Variants in EYA4 observed in about 807,000 individuals in gnomAD.
EYA4 encodes the protein protein phosphatase EYA4.
EYA4 carries 31 observed loss-of-function variants against 87.9 expected under a neutral mutation model. That is an observed-to-expected ratio of 0.35 (90% CI 0.27 to 0.48). The LOEUF is 0.48. Ranked by LOEUF, EYA4 falls within the 20% of genes least tolerant of loss-of-function variation. The probability of loss-of-function intolerance (pLI) is 0.99; values close to 1 mark genes in which losing one functional copy is unlikely to be tolerated. For missense variants in EYA4, 678 were observed against 761.4 expected (o/e 0.89, Z 1.29); for synonymous variants, 263 against 270.6 (o/e 0.97, Z 0.28).
chr6:133,384,613 G>A (rs149003363), intron 3 of EYA4, among the ~76,000 whole-genome samples: 3 of 152,270 alleles, frequency 2.0e-5, no homozygotes, highest in South Asian at 2.1e-4. Context: ...TTGCCCAGAC[G>A]TTTTGATAAT....
At chr6:133,488,040 G>T (rs760417102) in intron 13 of EYA4, among the ~76,000 whole-genome samples, 1 of 152,110 alleles carries the variant, frequency 6.6e-6, no homozygotes. Context: ...GAAAGCATTC[G>T]CCACAAGCTG....
At chr6:133,254,972 C>A (rs1422891118) in intron 1 of EYA4, among the ~76,000 whole-genome samples, 26 of 152,156 alleles carry the variant, frequency 1.7e-4, no homozygotes. Flanking sequence ...TTGTGTGTAT[C>A]CAGGCTCTGC....
At chr6:133,515,622 A>T (rs111562309) in intron 17 of EYA4, among the ~76,000 whole-genome samples, 187 bp downstream of exon 17, 3 of 146,744 alleles carry the variant, frequency 2.0e-5, no homozygotes, top group East Asian at 2.0e-4. Context: ...TGTGTGTGTG[A>T]GTGTGTGTGT....
intron 13 of EYA4, among the ~76,000 whole-genome samples, chr6:133,484,225 T>C (rs1478148671): frequency 6.6e-6 from 1 of 152,214 alleles, no homozygotes; most frequent in Non-Finnish European, 1.5e-5. Context: ...TCAGTTACTA[T>C]ACTCAAAGTT....
chr6:133,376,484 A>G (rs142893039), intron 2 of EYA4, among the ~76,000 whole-genome samples: 2,488 of 151,998 alleles, frequency 0.016, 38 homozygotes, highest in Non-Finnish European at 0.024. Context: ...ACATTATTCT[A>G]TTCTTTACAT....
At chr6:133,438,258 T>C (rs1313965336) in intron 3 of EYA4, among the ~76,000 whole-genome samples, 4 of 152,116 alleles carry the variant, frequency 2.6e-5, no homozygotes, top group East Asian at 3.9e-4. Flanking sequence ...CATTTCGGTT[T>C]CCTGTGGACT....
intron 1 of EYA4, among the ~76,000 whole-genome samples, chr6:133,250,117 C>A (rs989295413): frequency 1.3e-5 from 2 of 152,164 alleles, no homozygotes; most frequent in Admixed American, 6.5e-5. Context: ...GGGACTACCT[C>A]AATAACAACC....
intron 13 of EYA4, among the ~76,000 whole-genome samples, chr6:133,505,526 T>G (rs1026175889): frequency 3.3e-5 from 5 of 152,184 alleles, no homozygotes; most frequent in Admixed American, 6.6e-5. Context: ...CTACACATGT[T>G]TGGATAGGGA....
rs1345381272 is a variant in EYA4 at position 133,520,672 on chromosome 6, C to T, written c.1617-2384C>T. Among the ~76,000 whole-genome samples the T allele has an allele frequency of 1.1e-4, 16 of 147,242 alleles. No individual in the cohort carries two copies. The South Asian group carries it at 1.3e-3, about 12-fold the overall frequency. On this transcript the variant is annotated intron_variant, in intron 17 of 19. Coordinates refer to ENST00000355286, the MANE Select transcript of EYA4 (RefSeq NM_004100.5). Reference sequence around the variant, plus strand: ...TATGGAACCAAAAAAGAGCCCGCATCGCCAAGTCAATCCTAAGCCAAAAGA... The same window carrying T: ...TATGGAACCAAAAAAGAGCCCGCATTGCCAAGTCAATCCTAAGCCAAAAGA...
At position 133,529,015 on chromosome 6, in the gene EYA4, A is replaced by G; in HGVS notation, c.*210A>G. The G allele has an allele frequency of 7.3e-7, 1 of 1,361,256 alleles. No individual in the cohort carries two copies. The highest frequency in any genetic ancestry group is 3.1e-5 in the East Asian group (1 of 32,452). The allele number at this position is 1,361,256 out of a possible 1,614,324, so 84.3% of individuals were successfully genotyped here. A position where few individuals can be genotyped will look rare whatever the true frequency, so the allele number is the denominator to read the frequency against. On this transcript the variant is annotated 3_prime_UTR_variant, in exon 20 of 20. Coordinates refer to ENST00000355286, the MANE Select transcript of EYA4 (RefSeq NM_004100.5). ...GAAACTCTATGGTCTTATATTTACA[A>G]CACTTTAATGGGTTTTTTAAAAATC...
Position 133,531,009 on chromosome 6 carries a change from G to T in EYA4, c.*2204G>T, listed in dbSNP as rs1446765224. ...AACAAATTATCTTTACTGTATAGCT[G>T]GTTTCTTTAAATGTTGATAGAATTG... On this transcript the variant is annotated 3_prime_UTR_variant, in exon 20 of 20. Coordinates refer to ENST00000355286, the MANE Select transcript of EYA4 (RefSeq NM_004100.5). 10 of 1,361,694 alleles carry T rather than the reference G, an allele frequency of 7.3e-6. No homozygotes were observed. The highest frequency in any genetic ancestry group is 9.4e-6 in the Non-Finnish European group (10 of 1,059,670). The allele number at this position is 1,361,694 out of a possible 1,614,324, so 84.4% of individuals were successfully genotyped here. A position where few individuals can be genotyped will look rare whatever the true frequency, so the allele number is the denominator to read the frequency against.
At chr6:133,293,855 T>A (rs1778691935) in intron 2 of EYA4, among the ~76,000 whole-genome samples, 1 of 151,384 alleles carries the variant, frequency 6.6e-6, no homozygotes, top group Admixed American at 6.6e-5. Context: ...GAGGATCACC[T>A]GAGCCCTGGA....
intron 3 of EYA4, among the ~76,000 whole-genome samples, chr6:133,386,464 T>G (rs74391558): frequency 0.1 from 15,240 of 152,148 alleles, 1,038 homozygotes; most frequent in East Asian, 0.23. Flanking sequence ...ACAAATATCT[T>G]AGGGTGTCTC....
chr6:133,384,138 A>C (rs1057252502), intron 3 of EYA4, among the ~76,000 whole-genome samples: 1 of 152,208 alleles, frequency 6.6e-6, no homozygotes, highest in Non-Finnish European at 1.5e-5. Context: ...TAAATTTTAA[A>C]CTAACAGAAA....
chr6:133,453,825 C>A (rs759612093), intron 5 of EYA4, among the ~76,000 whole-genome samples: 2 of 152,082 alleles, frequency 1.3e-5, no homozygotes, highest in Non-Finnish European at 2.9e-5. Context: ...GCTTGTTACT[C>A]CTCTCTTCAT....
chr6:133,304,620 C>CT (rs1354639922), intron 2 of EYA4, among the ~76,000 whole-genome samples: 2 of 152,090 alleles, frequency 1.3e-5, no homozygotes, highest in Non-Finnish European at 2.9e-5. Context: ...GAGACTTGAA[C>CT]TTTATCTTGA....
intron 3 of EYA4, among the ~76,000 whole-genome samples, chr6:133,394,420 T>C (rs565644555): frequency 2.0e-5 from 3 of 151,668 alleles, no homozygotes; most frequent in Non-Finnish European, 2.9e-5. Flanking sequence ...TACAGGTATC[T>C]TTAGTTCAAC....
intron 2 of EYA4, among the ~76,000 whole-genome samples, chr6:133,324,955 G>C (rs1182721072): frequency 1.7e-5 from 2 of 120,110 alleles, no homozygotes; most frequent in Admixed American, 1.1e-4. Flanking sequence ...CTGTCCCCCA[G>C]ACTGGAGTGC....
At chr6:133,421,300 T>G (rs1790199265) in intron 3 of EYA4, among the ~76,000 whole-genome samples, 1 of 152,212 alleles carries the variant, frequency 6.6e-6, no homozygotes, top group Non-Finnish European at 1.5e-5. Context: ...CTTAGTTCTA[T>G]CCAAGAATTC....
Sources: gnomAD v4.1 joint callset for allele counts (sites outside exome capture counted in the v4.1 genomes callset) on GRCh38, gnomAD v4.1.1 for gene constraint, MANE v1.5 for transcripts, NCBI Gene and HGNC (gene_info 2026-07-23, HGNC 2026-07-21) for gene names.